Variants in MOXD1 observed in about 807,000 individuals in gnomAD.
MOXD1 encodes the protein monooxygenase DBH like 1.
In MOXD1, 62 loss-of-function variants were observed where a neutral mutation model predicts 66.6. The observed-to-expected ratio is 0.93, with a 90% CI of 0.76 to 1.15. MOXD1 has a LOEUF of 1.15. Among genes scored for constraint, MOXD1 ranks in the 50% most tolerant of loss-of-function variants. The pLI, the probability that MOXD1 is intolerant of heterozygous loss-of-function variation, is 0.00. For missense variants in MOXD1, 847 were observed against 754.6 expected, an observed-to-expected ratio of 1.12 and a Z score of -1.44; for synonymous variants, 303 against 281.9, an observed-to-expected ratio of 1.07 and a Z score of -0.75.
At chr6:132,349,450 TACATATATATATATAC>T (rs1562290059) in intron 4 of MOXD1, among the ~76,000 whole-genome samples, 1,620 of 53,684 alleles carry the variant, frequency 0.03, 113 homozygotes, top group East Asian at 0.2. Context: ...TATATATATA[TACATATATATATATAC>T]ATATATATAT....
At chr6:132,385,257 T>C (rs994937273) in intron 1 of MOXD1, among the ~76,000 whole-genome samples, 5 of 152,102 alleles carry the variant, frequency 3.3e-5, no homozygotes, top group Non-Finnish European at 2.9e-5. Context: ...GCAGAGAACA[T>C]GTAGACTGTT....
intron 10 of MOXD1, among the ~76,000 whole-genome samples, chr6:132,309,282 A>C (rs1406900075): frequency 1.3e-5 from 2 of 152,178 alleles, no homozygotes; most frequent in African/African-American, 4.8e-5. Flanking sequence ...TGCTACAAAG[A>C]GAATAAAATA....
In MOXD1 at chr6:132,401,292, G is replaced by A; in HGVS notation, c.135C>T (p.Gly45=). 6.3e-7 allele frequency: 1 copy of A among 1,597,500 alleles called. No homozygotes were observed. The highest frequency in any genetic ancestry group is 8.5e-7 in the Non-Finnish European group (1 of 1,177,226). ...GKYWLGWSQR[G]SQIAFRLQVR... ...CCTGGAGGCGGAAGGCGATCTGGCT[G>A]CCCCGCTGGCTCCAGCCCAGCCAGT... The change falls in exon 1 of 12, where the codon GGC becomes GGT. Residue 45 remains glycine, a synonymous_variant. Transcript: ENST00000367963.
intron 2 of MOXD1, among the ~76,000 whole-genome samples, chr6:132,374,126 T>C (rs1776324450): frequency 1.3e-5 from 2 of 152,214 alleles, no homozygotes; most frequent in Non-Finnish European, 2.9e-5. Context: ...CACATAAAGA[T>C]ATTAATTTTT....
rs1469435689 is a variant in MOXD1, at chr6:132,394,853, G to T, written c.264+6310C>A. Among the ~76,000 whole-genome samples, 3 of 152,108 alleles carry T rather than the reference G, an allele frequency of 2.0e-5. No individual in the cohort carries two copies. In the East Asian group the frequency reaches 5.8e-4, roughly 29 times the overall value. ...GTATTTGAATTTAGGATCTGAGAAGGTGAAGAGAAAATGAAGGAGTTAGAA... is the reference window on the plus strand; with the variant it reads ...GTATTTGAATTTAGGATCTGAGAAGTTGAAGAGAAAATGAAGGAGTTAGAA... On this transcript the variant is annotated intron_variant, in intron 1 of 11. Coordinates refer to ENST00000367963, the MANE Select transcript of MOXD1 (RefSeq NM_015529.4).
Position 132,301,578 on chromosome 6 carries a change from G to A in MOXD1, c.1509-3623C>T, listed in dbSNP as rs147649833. Among the ~76,000 whole-genome samples the A allele has an allele frequency of 5.4e-3, 819 of 151,960 alleles. 11 individuals are homozygous for A. Among genetic ancestry groups the A allele is most frequent in the African/African-American group, 0.019 (776 of 41,434 alleles). ...AGTTTTATTGCTAATGTCTTTCTCG[G>A]GGTAGAGAAGGAGAAGGAAGGAAGA... On this transcript the variant is annotated intron_variant, in intron 10 of 11. Coordinates refer to ENST00000367963, the MANE Select transcript of MOXD1 (RefSeq NM_015529.4).
At chr6:132,399,883 G>T (rs1207024688) in intron 1 of MOXD1, among the ~76,000 whole-genome samples, 1 of 152,152 alleles carries the variant, frequency 6.6e-6, no homozygotes, top group African/African-American at 2.4e-5. Context: ...TCAAATACTT[G>T]GTTCATAAAG....
chr6:132,297,363 G>A, intron 11 of MOXD1, 46 bp from the exon 12 acceptor site: 1 of 1,590,018 alleles, frequency 6.3e-7, no homozygotes, highest in East Asian at 2.2e-5. Context: ...CTGATTTAAG[G>A]CAGCACAGTG....
At chr6:132,333,799 G>A (rs1341927928) in intron 4 of MOXD1, among the ~76,000 whole-genome samples, 1 of 152,180 alleles carries the variant, frequency 6.6e-6, no homozygotes, top group South Asian at 2.1e-4. Context: ...GACCAGGCAA[G>A]GAGGGCCTGG....
chr6:132,321,052 G>T (rs985925447), intron 8 of MOXD1, among the ~76,000 whole-genome samples: 2 of 152,140 alleles, frequency 1.3e-5, no homozygotes, highest in Non-Finnish European at 2.9e-5. Flanking sequence ...GGATCACGAG[G>T]TCAGGAGTTC....
intron 1 of MOXD1, chr6:132,375,098 T>A (rs369847328): frequency 3.0e-5 from 12 of 401,454 alleles, no homozygotes; most frequent in East Asian, 2.3e-4. Context: ...CTATGAAATG[T>A]CTTACCGCAA....
chr6:132,299,843 C>T (rs932944281), intron 10 of MOXD1, among the ~76,000 whole-genome samples: 39 of 151,914 alleles, frequency 2.6e-4, no homozygotes, highest in Admixed American at 9.2e-4. Flanking sequence ...GAAGAATATA[C>T]ATTAATCTTC....
rs769352746 is a variant in MOXD1 at position 132,374,655 on chromosome 6, A to G, written c.387T>C (p.Cys129=). 6.2e-7 allele frequency: 1 copy of G among 1,613,888 alleles called. No homozygotes were observed. The highest frequency in any genetic ancestry group is 1.1e-5 in the South Asian group (1 of 91,072). Residue 129 remains cysteine (C), a synonymous_variant, in exon 2 of 12, where the codon TGT becomes TGC. Coordinates refer to ENST00000367963, the MANE Select transcript of MOXD1 (RefSeq NM_015529.4). ...CCGTTATACTCTTGTCATTTATGTC[A>G]CATGTATGCAGCTCTCTGGTAAATT... ...IIEFTRELHT[C]DINDKSITDS...
intron 1 of MOXD1, among the ~76,000 whole-genome samples, chr6:132,377,544 C>T (rs1053205402): frequency 6.6e-6 from 1 of 152,188 alleles, no homozygotes; most frequent in Non-Finnish European, 1.5e-5. Flanking sequence ...TCCAGCTATT[C>T]CACCTTTTTC....
chr6:132,359,236 C>T (rs1212498232), intron 4 of MOXD1, among the ~76,000 whole-genome samples: 2 of 151,582 alleles, frequency 1.3e-5, no homozygotes, highest in Non-Finnish European at 1.5e-5. Context: ...CCTCTCATTT[C>T]GGCCTCCCAA....
chr6:132,350,365 C>T (rs887857611), intron 4 of MOXD1, among the ~76,000 whole-genome samples: 4 of 152,256 alleles, frequency 2.6e-5, no homozygotes, highest in African/African-American at 9.6e-5. Flanking sequence ...ATCTCAGCAC[C>T]ATTTGTTGAA....
At position 132,401,356 on chromosome 6, in the gene MOXD1, G is replaced by C; in HGVS notation, c.71C>G (p.Thr24Ser). ...GTCCAGGAGGGTCCGGTGCGGATAG[G>C]TTCGGCCCGAGCCCCCCGCCGCCGT... is the stretch of plus-strand genomic sequence containing the variant. ...PGTAAGGSGR[T>S]YPHRTLLDSE... The change falls in exon 1 of 12, where the codon ACC (threonine) becomes AGC (serine). Residue 24 changes from threonine (T) to serine (S), a missense_variant. Thr to Ser is a moderately conservative substitution (Grantham distance 58, BLOSUM62 1). Coordinates refer to ENST00000367963, the MANE Select transcript of MOXD1 (RefSeq NM_015529.4). 1 of 1,562,920 alleles carries C rather than the reference G, an allele frequency of 6.4e-7. No individual in the cohort carries two copies. The highest frequency in any genetic ancestry group is 8.6e-7 in the Non-Finnish European group (1 of 1,160,566).
At position 132,372,889 on chromosome 6, in the gene MOXD1, G is replaced by T; in HGVS notation, c.520C>A (p.Pro174Thr). The change falls in exon 3 of 12, where the codon CCT (proline) becomes ACT (threonine). Residue 174 changes from proline to threonine, a missense_variant. Transcript: ENST00000367963. ...GTAGATAGCACACTAGTTTTCTCAG[G>T]ATTCAATAACCGCAAACTCTTGGTG... ...RGTKSLRLLN[P>T]EKTSVLSTAL... 3 of 1,614,030 alleles carry T rather than the reference G, an allele frequency of 1.9e-6. No homozygotes were observed. The highest frequency in any genetic ancestry group is 4.5e-5 in the East Asian group (2 of 44,870).
At chr6:132,299,202 C>T (rs562912886) in intron 10 of MOXD1, among the ~76,000 whole-genome samples, 1 of 152,204 alleles carries the variant, frequency 6.6e-6, no homozygotes, top group African/African-American at 2.4e-5. Context: ...CGTGTTCTCA[C>T]ATATAAGTGG....
Sources: gnomAD v4.1 joint callset for allele counts (sites outside exome capture counted in the v4.1 genomes callset) on GRCh38, gnomAD v4.1.1 for gene constraint, MANE v1.5 for transcripts, NCBI Gene and HGNC (gene_info 2026-07-23, HGNC 2026-07-21) for gene names.